RIN3: variants seen among roughly 807,000 people sequenced by gnomAD.
The protein encoded by RIN3 is Ras and Rab interactor 3.
A neutral mutation model predicts 76.3 loss-of-function variants in RIN3; 54 were observed. The ratio of observed to expected loss-of-function variants is 0.71; its 90% confidence interval spans 0.57 to 0.89. The LOEUF (loss-of-function observed/expected upper bound fraction) is 0.89, where lower values mean the gene tolerates loss of function less well. Among genes scored for constraint, RIN3 ranks in the 40% least tolerant of loss-of-function variants. RIN3 has a pLI of 0.00. For missense variants in RIN3, 1,256 were observed against 1,322.1 expected (o/e 0.95, Z 0.78); for synonymous variants, 576 against 564.0 (o/e 1.02, Z -0.30).
chr14:92,627,541 G>A (rs989106709), intron 4 of RIN3, among the ~76,000 whole-genome samples: 3 of 152,172 alleles, frequency 2.0e-5, no homozygotes, highest in African/African-American at 7.2e-5. Context: ...CAACCTCCAG[G>A]ATATCCCGAC....
intron 4 of RIN3, among the ~76,000 whole-genome samples, chr14:92,629,144 AGAGAGAGAGATT>A (rs1249539563): frequency 7.8e-5 from 8 of 102,632 alleles, no homozygotes; most frequent in African/African-American, 2.9e-4. Context: ...AGAGAGAGAG[AGAGAGAGAGATT>A]GATTGATTGA....
rs556521708 is a variant in RIN3, at chr14:92,538,594, A to C, written c.45-17157A>C. Among the ~76,000 whole-genome samples the C allele has an allele frequency of 2.9e-3, 442 of 152,254 alleles. 2 individuals are homozygous for C. Among genetic ancestry groups the C allele is most frequent in the Middle Eastern group, 0.01 (3 of 294 alleles). ...TGGCAGTGAACATCTTTGTCTGTTA[A>C]GCTTCATTTGCATTTTAAAAGTATC... On this transcript the variant is annotated intron_variant, in intron 1 of 9. Coordinates refer to ENST00000216487, the MANE Select transcript of RIN3 (RefSeq NM_024832.5).
chr14:92,574,270 A>G (rs765304784), intron 2 of RIN3, among the ~76,000 whole-genome samples: 1 of 152,252 alleles, frequency 6.6e-6, no homozygotes, highest in African/African-American at 2.4e-5. Context: ...TCTGATTTAC[A>G]TAGAGTACCA....
chr14:92,628,624 G>A (rs753885210), intron 4 of RIN3, among the ~76,000 whole-genome samples: 2 of 152,118 alleles, frequency 1.3e-5, no homozygotes, highest in Non-Finnish European at 2.9e-5. Context: ...CCTGTTCCGT[G>A]AACTTTAATG....
intron 1 of RIN3, among the ~76,000 whole-genome samples, chr14:92,526,313 G>T (rs1186080329): frequency 6.6e-6 from 1 of 152,118 alleles, no homozygotes; most frequent in African/African-American, 2.4e-5. Flanking sequence ...TTTAAAATTA[G>T]CTGGGCGTGG....
At chr14:92,664,521 C>T (rs1446655955) in intron 7 of RIN3, among the ~76,000 whole-genome samples, 1 of 148,584 alleles carries the variant, frequency 6.7e-6, no homozygotes, top group Non-Finnish European at 1.5e-5. Flanking sequence ...GTGGCTGCCA[C>T]CATGCCCAGC....
chr14:92,518,994 C>T (rs923413458), intron 1 of RIN3, among the ~76,000 whole-genome samples: 6 of 152,154 alleles, frequency 3.9e-5, no homozygotes, highest in African/African-American at 1.2e-4. Context: ...TAGGAAGCTG[C>T]TCCCTTCCCT....
In RIN3 at chr14:92,568,978, G is replaced by T. The variant is rs1477814856; in HGVS notation, c.250-8382G>T. Reference sequence around the variant, plus strand: ...TGGCCCTAGTCCTGCTCTGGCAGTTGCCAGCTGTGTGGCTCTGGGGAGGAC... The same window carrying T: ...TGGCCCTAGTCCTGCTCTGGCAGTTTCCAGCTGTGTGGCTCTGGGGAGGAC... On this transcript the variant is annotated intron_variant, in intron 2 of 9. Transcript: ENST00000216487. This position sits in a 1 kb window ranked among gnomAD's most constrained non-coding sequence, Gnocchi z 4.2. 1.3e-5 allele frequency among the ~76,000 whole-genome samples: 2 copies of T among 152,218 alleles called. No individual in the cohort carries two copies. The highest frequency in any genetic ancestry group is 2.1e-4 in the South Asian group (1 of 4,834).
At chr14:92,625,765 C>A (rs1212246863) in intron 4 of RIN3, among the ~76,000 whole-genome samples, 2 of 152,214 alleles carry the variant, frequency 1.3e-5, no homozygotes, top group African/African-American at 4.8e-5. Flanking sequence ...TCCTGGTCCC[C>A]TGGAGTCTCT....
chr14:92,630,172 A>C (rs1886519713), intron 4 of RIN3, among the ~76,000 whole-genome samples: 1 of 152,170 alleles, frequency 6.6e-6, no homozygotes, highest in African/African-American at 2.4e-5. Context: ...TTGGTGCTGA[A>C]GGAGGGAATA....
intron 7 of RIN3, among the ~76,000 whole-genome samples, chr14:92,661,659 C>A (rs901723967): frequency 6.6e-6 from 1 of 150,808 alleles, no homozygotes; most frequent in Admixed American, 6.6e-5. Flanking sequence ...GGGAGGCAGA[C>A]GTTGCAGTGA....
chr14:92,635,577 C>T (rs1481101437), intron 4 of RIN3, among the ~76,000 whole-genome samples: 1 of 152,054 alleles, frequency 6.6e-6, no homozygotes, highest in Non-Finnish European at 1.5e-5. Flanking sequence ...TGAGGCTGGG[C>T]GTGGCGGCTC....
Position 92,521,261 on chromosome 14 carries a change from C to T in RIN3, c.44+7285C>T, listed in dbSNP as rs543787094. 2.0e-5 allele frequency among the ~76,000 whole-genome samples: 3 copies of T among 152,220 alleles called. No individual in the cohort carries two copies. The South Asian group carries it at 6.2e-4, about 32-fold the overall frequency. ...TTTATCTATCCATCCATGCATCCAT[C>T]CATCCATCCACTCACCTACCCTTCC... On this transcript the variant is annotated intron_variant, in intron 1 of 9. Coordinates refer to ENST00000216487, the MANE Select transcript of RIN3 (RefSeq NM_024832.5).
At chr14:92,636,696 C>A (rs750076311) in intron 4 of RIN3, among the ~76,000 whole-genome samples, 1 of 152,146 alleles carries the variant, frequency 6.6e-6, no homozygotes, top group Non-Finnish European at 1.5e-5. Context: ...CTTTACTGTT[C>A]AGTAGAGAAA....
At chr14:92,617,698 A>G (rs1373707055) in intron 4 of RIN3, among the ~76,000 whole-genome samples, 1 of 152,084 alleles carries the variant, frequency 6.6e-6, no homozygotes, top group Non-Finnish European at 1.5e-5. Flanking sequence ...AGACCAAAGA[A>G]TGACTTAACT....
At chr14:92,662,974 C>G (rs1035147951) in intron 7 of RIN3, among the ~76,000 whole-genome samples, 1 of 152,072 alleles carries the variant, frequency 6.6e-6, no homozygotes, top group Admixed American at 6.6e-5. Context: ...CCACACCCAG[C>G]TAATTTTTGT....
intron 1 of RIN3, among the ~76,000 whole-genome samples, chr14:92,538,593 A>G (rs1464269606): frequency 6.6e-6 from 1 of 152,124 alleles, no homozygotes; most frequent in East Asian, 1.9e-4. Context: ...TTTGTCTGTT[A>G]AGCTTCATTT....
At chr14:92,666,323 G>A (rs1888103330) in intron 7 of RIN3, among the ~76,000 whole-genome samples, 1 of 152,236 alleles carries the variant, frequency 6.6e-6, no homozygotes, top group African/African-American at 2.4e-5. Context: ...GGAGACACAA[G>A]ATCTGGGTTA....
chr14:92,602,455 C>A (rs527451420), intron 3 of RIN3, among the ~76,000 whole-genome samples: 1 of 152,296 alleles, frequency 6.6e-6, no homozygotes, highest in African/African-American at 2.4e-5. Context: ...CAAAAGGCAC[C>A]TGCTATACTG....
Sources: allele counts gnomAD v4.1 joint callset (sites outside exome capture counted in the v4.1 genomes callset), GRCh38; gene constraint gnomAD v4.1.1; non-coding constraint Gnocchi (gnomAD v3.1); transcripts MANE v1.5; gene names NCBI Gene and HGNC (gene_info 2026-07-23, HGNC 2026-07-21).